CATSPERT: variants seen among roughly 807,000 people sequenced by gnomAD.
CATSPERT encodes catsper channel auxiliary subunit tau.
chr2:201,562,447 A>G, the CATSPERT span, among the ~76,000 whole-genome samples: 1 of 151,462 alleles, frequency 6.6e-6, no homozygotes, highest in African/African-American at 2.4e-5. Flanking sequence ...TCAGCCTCCC[A>G]AAGTGCTGGG....
the CATSPERT span, chr2:201,582,312 A>ATATTATTAT: frequency 8.4e-7 from 1 of 1,195,790 alleles, no homozygotes; most frequent in African/African-American, 1.6e-5. Flanking sequence ...TATTATGCAA[A>ATATTATTAT]TATTATTATG....
the CATSPERT span, chr2:201,575,336 AAAAT>A: frequency 6.3e-7 from 1 of 1,584,584 alleles, no homozygotes; most frequent in Non-Finnish European, 8.6e-7. Context: ...TCTAGAAAAA[AAAAT>A]AAAAATTTTA....
At chr2:201,506,155 T>C in the CATSPERT span, among the ~76,000 whole-genome samples, 1 of 152,104 alleles carries the variant, frequency 6.6e-6, no homozygotes, top group Non-Finnish European at 1.5e-5. Flanking sequence ...TAGTCCCAGC[T>C]ACTCGGGAGG....
the CATSPERT span, among the ~76,000 whole-genome samples, chr2:201,504,112 C>A: frequency 6.6e-6 from 1 of 152,194 alleles, no homozygotes. Context: ...TCCAGAGGAA[C>A]TTCTTTACAG....
chr2:201,603,759 A>G, the CATSPERT span, among the ~76,000 whole-genome samples: 3 of 152,218 alleles, frequency 2.0e-5, no homozygotes, highest in Non-Finnish European at 4.4e-5. Context: ...AGTTTTTCTA[A>G]ATGTTAAAGA....
At chr2:201,615,944 G>A in the CATSPERT span, among the ~76,000 whole-genome samples, 1 of 152,018 alleles carries the variant, frequency 6.6e-6, no homozygotes, top group Non-Finnish European at 1.5e-5. Flanking sequence ...TGCAAATAAA[G>A]TAGAAAATCT....
the CATSPERT span, chr2:201,604,776 A>G: frequency 1.9e-6 from 2 of 1,049,148 alleles, no homozygotes; most frequent in Non-Finnish European, 2.8e-6. Context: ...TAATTATTGT[A>G]TGAATCTCTA....
chr2:201,605,211 A>G, the CATSPERT span, among the ~76,000 whole-genome samples: 2 of 152,156 alleles, frequency 1.3e-5, no homozygotes, highest in African/African-American at 4.8e-5. Context: ...AGAGAGGAGT[A>G]GGGAACACAA....
chr2:201,567,130 T>C, the CATSPERT span, among the ~76,000 whole-genome samples: 2 of 152,132 alleles, frequency 1.3e-5, no homozygotes, highest in Non-Finnish European at 2.9e-5. Flanking sequence ...GAACTCACGA[T>C]TTTCCCCTTC....
the CATSPERT span, among the ~76,000 whole-genome samples, chr2:201,536,712 AAG>A: frequency 3.3e-5 from 5 of 151,964 alleles, no homozygotes; most frequent in African/African-American, 1.2e-4. Flanking sequence ...TAAGAAAATA[AAG>A]AGAATATTAA....
chr2:201,550,366 C>T, the CATSPERT span: 1 of 152,098 alleles, frequency 6.6e-6, no homozygotes, highest in Non-Finnish European at 1.5e-5. Flanking sequence ...AACAATATGC[C>T]ACAATTAGCT....
the CATSPERT span, chr2:201,511,917 A>G: frequency 6.6e-6 from 1 of 150,502 alleles, no homozygotes; most frequent in African/African-American, 2.4e-5. Context: ...GTTTTCCCAC[A>G]GAATTCTAAA....
chr2:201,609,074 A>G, the CATSPERT span, among the ~76,000 whole-genome samples: 6 of 152,284 alleles, frequency 3.9e-5, no homozygotes, highest in East Asian at 1.2e-3. Context: ...AAAACAGTAA[A>G]GAGACAATTT....
At chr2:201,530,968 T>G in the CATSPERT span, among the ~76,000 whole-genome samples, 1 of 136,616 alleles carries the variant, frequency 7.3e-6, no homozygotes, top group Non-Finnish European at 1.6e-5. Context: ...TGGGTTTTTT[T>G]TTTTTTTTTT....
At chr2:201,610,693 A>G in the CATSPERT span, among the ~76,000 whole-genome samples, 13 of 152,208 alleles carry the variant, frequency 8.5e-5, no homozygotes, top group Admixed American at 6.5e-5. Flanking sequence ...ATCCCTAATG[A>G]ACATAGATGC....
the CATSPERT span, among the ~76,000 whole-genome samples, chr2:201,582,618 T>C: frequency 1.3e-5 from 2 of 152,324 alleles, no homozygotes; most frequent in African/African-American, 4.8e-5. Context: ...ATAATCCAAA[T>C]ACAGGTTATC....
chr2:201,539,449 G>C, the CATSPERT span, among the ~76,000 whole-genome samples: 1 of 148,868 alleles, frequency 6.7e-6, no homozygotes, highest in Non-Finnish European at 1.5e-5. Flanking sequence ...ATGCCTGTTG[G>C]CCATATGTGT....
the CATSPERT span, among the ~76,000 whole-genome samples, chr2:201,521,453 A>AGAGAG: frequency 0.012 from 1,773 of 150,750 alleles, 16 homozygotes; most frequent in African/African-American, 0.021. Flanking sequence ...GAGAGAGAGA[A>AGAGAG]AGAGACACAC....
the CATSPERT span, among the ~76,000 whole-genome samples, chr2:201,546,470 G>A: frequency 5.5e-3 from 842 of 152,102 alleles, 7 homozygotes; most frequent in African/African-American, 0.019. Context: ...TTTAAAATTG[G>A]CAAAGGATTT....
Sources: gnomAD v4.1 joint callset for allele counts (sites outside exome capture counted in the v4.1 genomes callset) on GRCh38, gnomAD v4.1.1 for gene constraint, MANE v1.5 for transcripts, NCBI Gene and HGNC (gene_info 2026-07-23, HGNC 2026-07-21) for gene names.